The following SUN5 variants were observed in gnomAD, a reference collection of about 807,000 sequenced individuals.
The protein encoded by SUN5 is Sad1 and UNC84 domain containing 5, also known as SUN domain-containing protein 5.
Under a neutral mutation model 53.7 loss-of-function variants are expected in SUN5, and 44 were observed. The ratio of observed to expected loss-of-function variants is 0.82; its 90% CI spans 0.64 to 1.05. The LOEUF is 1.05. Among genes scored for constraint, SUN5 ranks in the 50% least tolerant of loss-of-function variants. SUN5 has a pLI of 0.00. For missense variants in SUN5, 433 were observed against 483.8 expected (o/e 0.90, Z 0.98); for synonymous variants, 166 against 179.8 (o/e 0.92, Z 0.62).
At chr20:32,992,367 TTAGGTGCCCC>T (rs1989731664) in intron 8 of SUN5, among the ~76,000 whole-genome samples, 1 of 152,166 alleles carries the variant, frequency 6.6e-6, no homozygotes, top group African/African-American at 2.4e-5. Context: ...ATTGGTGGCC[TTAGGTGCCCC>T]TGAAATTGGG....
chr20:32,986,043 C>T, intron 10 of SUN5, 140 bp from the exon 11 acceptor site: 1 of 892,612 alleles, frequency 1.1e-6, no homozygotes, highest in Non-Finnish European at 1.7e-6. Flanking sequence ...GCCACCCCCT[C>T]CAGGAAGCTC....
At chr20:32,997,172 C>A (rs530318217) in intron 6 of SUN5, among the ~76,000 whole-genome samples, 48 of 152,282 alleles carry the variant, frequency 3.2e-4, no homozygotes, top group East Asian at 1.9e-4. Context: ...GAGGGACAGG[C>A]CTTTCAGATT....
chr20:32,990,221 G>A (rs531734622), intron 8 of SUN5, among the ~76,000 whole-genome samples: 1 of 152,318 alleles, frequency 6.6e-6, no homozygotes, highest in South Asian at 2.1e-4. Flanking sequence ...CAAAGGTGTA[G>A]CTTGTTCAAG....
At chr20:32,993,473 G>A (rs1266620961) in intron 8 of SUN5, among the ~76,000 whole-genome samples, 1 of 152,234 alleles carries the variant, frequency 6.6e-6, no homozygotes, top group Non-Finnish European at 1.5e-5. Flanking sequence ...TCTTAATGGT[G>A]ACAAAGAGCT....
intron 9 of SUN5, among the ~76,000 whole-genome samples, chr20:32,989,290 G>A (rs1023649064): frequency 2.5e-4 from 38 of 152,142 alleles, no homozygotes; most frequent in African/African-American, 8.2e-4. Context: ...GCCCAGCATC[G>A]GGTTTGGAGA....
chr20:32,998,769 A>G (rs756862869), intron 5 of SUN5, among the ~76,000 whole-genome samples: 6 of 152,118 alleles, frequency 3.9e-5, no homozygotes, highest in Admixed American at 6.6e-5. Context: ...CTGTAATCCT[A>G]GCACTTTGGG....
chr20:32,987,854 A>G, intron 9 of SUN5, 79 bp from the exon 10 acceptor site: 4 of 1,161,198 alleles, frequency 3.4e-6, no homozygotes, highest in East Asian at 2.5e-5. Flanking sequence ...GGCCCTGACT[A>G]TGTGCCGGGC....
intron 5 of SUN5, 83 bp from the exon 6 acceptor site, chr20:32,997,770 A>G: frequency 6.7e-7 from 1 of 1,493,454 alleles, no homozygotes. Context: ...ATCTGGGTTC[A>G]AATCCCAGCT....
At chr20:32,992,041 T>C (rs1989724371) in intron 8 of SUN5, among the ~76,000 whole-genome samples, 1 of 152,172 alleles carries the variant, frequency 6.6e-6, no homozygotes, top group South Asian at 2.1e-4. Flanking sequence ...TGGAGGAAGG[T>C]GCATTTTGCG....
At chr20:33,000,742 G>A (rs1008000022) in intron 4 of SUN5, among the ~76,000 whole-genome samples, 3 of 152,066 alleles carry the variant, frequency 2.0e-5, no homozygotes, top group African/African-American at 4.8e-5. Context: ...CTACTTGGGA[G>A]GCTGAGGTGG....
At chr20:32,993,189 T>G (rs1989752433) in intron 8 of SUN5, among the ~76,000 whole-genome samples, 1 of 152,244 alleles carries the variant, frequency 6.6e-6, no homozygotes, top group South Asian at 2.1e-4. Flanking sequence ...TTTAGTCACA[T>G]GAATAAATAA....
In SUN5 at chr20:32,985,718, C is replaced by A. The variant is rs373521268; in HGVS notation, c.897+18G>T. The A allele has an allele frequency of 1.2e-6, 2 of 1,613,022 alleles. No individual in the cohort carries two copies. Among genetic ancestry groups the A allele is most frequent in the African/African-American group, 2.7e-5 (2 of 74,910 alleles). On this transcript the variant is annotated intron_variant, in intron 11 of 12. Coordinates refer to ENST00000356173, the MANE Select transcript of SUN5 (RefSeq NM_080675.4). ...TGTCCCTTTAGCTAAGCATAGCTCC[C>A]TGCAGGGGAGTGCTCACATAGATGA...
chr20:32,997,074 G>A (rs1252745188), intron 6 of SUN5, among the ~76,000 whole-genome samples: 1 of 152,204 alleles, frequency 6.6e-6, no homozygotes, highest in Non-Finnish European at 1.5e-5. Flanking sequence ...CTTCTGCCTG[G>A]GTGTTTCTAG....
At chr20:32,986,309 A>T (rs1989537998) in intron 10 of SUN5, among the ~76,000 whole-genome samples, 1 of 152,182 alleles carries the variant, frequency 6.6e-6, no homozygotes, top group Non-Finnish European at 1.5e-5. Flanking sequence ...GGAGCAGGAC[A>T]ATGACTGGTC....
intron 5 of SUN5, 126 bp from the exon 6 acceptor site, chr20:32,997,813 G>A (rs549621010): frequency 5.6e-6 from 5 of 897,030 alleles, no homozygotes; most frequent in African/African-American, 3.3e-5. Flanking sequence ...AACACTGGGG[G>A]AATTACTTAA....
At position 32,988,215 on chromosome 20, in the gene SUN5, G is replaced by A. The variant is rs144772132; in HGVS notation, c.614-440C>T. On this transcript the variant is annotated intron_variant, in intron 9 of 12. Coordinates refer to ENST00000356173, the MANE Select transcript of SUN5 (RefSeq NM_080675.4). Reference sequence around the variant, plus strand: ...CCCCACGTAACAGTCTTGTGATGACGACCGACACCCATTGTGCAGAGGAGG... The same window carrying A: ...CCCCACGTAACAGTCTTGTGATGACAACCGACACCCATTGTGCAGAGGAGG... Among the ~76,000 whole-genome samples the A allele has an allele frequency of 9.2e-3, 1,394 of 152,260 alleles. 12 individuals are homozygous for A. Among genetic ancestry groups the A allele is most frequent in the Non-Finnish European group, 0.015 (997 of 68,026 alleles).
intron 5 of SUN5, among the ~76,000 whole-genome samples, chr20:32,998,122 T>G (rs1234989822): frequency 8.0e-6 from 1 of 124,984 alleles, no homozygotes; most frequent in African/African-American, 3.0e-5. Flanking sequence ...GCAGATCACT[T>G]AAGCCCAGGA....
chr20:33,000,941 G>T (rs777131542), intron 4 of SUN5, among the ~76,000 whole-genome samples: 5 of 152,086 alleles, frequency 3.3e-5, no homozygotes, highest in Non-Finnish European at 7.4e-5. Context: ...CCCTGGCCTT[G>T]CTGGCCCAAT....
chr20:32,985,347 T>C (rs1989507380), intron 11 of SUN5, among the ~76,000 whole-genome samples, 162 bp from the exon 12 acceptor site: 1 of 152,142 alleles, frequency 6.6e-6, no homozygotes. Flanking sequence ...GAAAGAGCAC[T>C]GGCCTGGGAG....
Sources: allele counts gnomAD v4.1 joint callset (sites outside exome capture counted in the v4.1 genomes callset), GRCh38; gene constraint gnomAD v4.1.1; transcripts MANE v1.5; gene names NCBI Gene and HGNC (gene_info 2026-07-23, HGNC 2026-07-21).